Variants in LRCH3 observed in about 807,000 individuals in gnomAD.
The protein encoded by LRCH3 is leucine rich repeats and calponin homology domain containing 3.
LRCH3 carries 68 observed loss-of-function variants against 104.5 expected under a neutral mutation model. The observed-to-expected ratio is 0.65, with a 90% CI of 0.54 to 0.80. The LOEUF (loss-of-function observed/expected upper bound fraction) is 0.80. LRCH3 is among the 30% of genes least tolerant of loss of function. The probability of loss-of-function intolerance (pLI) is 0.00; values close to 1 mark genes in which losing one functional copy is unlikely to be tolerated. For missense variants in LRCH3, 951 were observed against 953.9 expected (o/e 1.00, Z 0.04); for synonymous variants, 344 against 361.3 (o/e 0.95, Z 0.54).
chr3:197,831,593 A>G (rs1429111164), intron 7 of LRCH3, among the ~76,000 whole-genome samples: 1 of 151,600 alleles, frequency 6.6e-6, no homozygotes, highest in Non-Finnish European at 1.5e-5. Context: ...ATCAATACAG[A>G]TATATATGTA....
intron 1 of LRCH3, among the ~76,000 whole-genome samples, chr3:197,797,883 C>CAA (rs1283044363): frequency 1.2e-5 from 1 of 83,344 alleles, no homozygotes; most frequent in African/African-American, 4.2e-5. Context: ...ACAAAAAAAA[C>CAA]AAAAAAAAAA....
At chr3:197,821,555 T>G (rs1474645105) in intron 4 of LRCH3, among the ~76,000 whole-genome samples, 1 of 152,250 alleles carries the variant, frequency 6.6e-6, no homozygotes, top group African/African-American at 2.4e-5. Context: ...TAGATTAATT[T>G]GAATCAAATA....
At chr3:197,879,979 T>G (rs1330861988) in intron 20 of LRCH3, among the ~76,000 whole-genome samples, 3 of 148,864 alleles carry the variant, frequency 2.0e-5, no homozygotes, top group Non-Finnish European at 4.4e-5. Flanking sequence ...GGAGTCTCGC[T>G]CTGTCACCCA....
At chr3:197,811,132 C>T (rs1044012466) in intron 1 of LRCH3, among the ~76,000 whole-genome samples, 1 of 152,110 alleles carries the variant, frequency 6.6e-6, no homozygotes, top group Non-Finnish European at 1.5e-5. Flanking sequence ...TCAGTGACTG[C>T]GCTGCCGTCT....
chr3:197,857,003 T>C (rs943267657), intron 14 of LRCH3, among the ~76,000 whole-genome samples: 1 of 152,252 alleles, frequency 6.6e-6, no homozygotes, highest in African/African-American at 2.4e-5. Flanking sequence ...TACACTGACA[T>C]TGTCTTCGGG....
intron 1 of LRCH3, among the ~76,000 whole-genome samples, chr3:197,795,595 G>T (rs1378368935): frequency 6.6e-6 from 1 of 151,306 alleles, no homozygotes; most frequent in African/African-American, 2.4e-5. Context: ...TGGGTCAGCC[G>T]CCATGCCTAA....
chr3:197,846,772 G>C (rs974036908), intron 10 of LRCH3, among the ~76,000 whole-genome samples: 1 of 152,102 alleles, frequency 6.6e-6, no homozygotes, highest in Non-Finnish European at 1.5e-5. Context: ...CAGACACAAA[G>C]ATGAGTTACA....
At chr3:197,791,756 A>T (rs1730545843) in intron 1 of LRCH3, among the ~76,000 whole-genome samples, 1 of 152,094 alleles carries the variant, frequency 6.6e-6, no homozygotes, top group African/African-American at 2.4e-5. Flanking sequence ...CTCTCGGGGA[A>T]GGGGGCCGGA....
At position 197,829,623 on chromosome 3, in the gene LRCH3, T is replaced by G; in HGVS notation, c.837T>G (p.Ile279Met). 1 of 1,613,680 alleles carries G rather than the reference T, an allele frequency of 6.2e-7. No homozygotes were observed. Among genetic ancestry groups the G allele is most frequent in the Non-Finnish European group, 8.5e-7 (1 of 1,179,948 alleles). Residue 279 changes from isoleucine (I) to methionine (M), a missense_variant, in exon 6 of 21, where the codon ATT becomes ATG. By Grantham distance (10) the Ile-to-Met change is conservative. Coordinates refer to ENST00000425562, the MANE Select transcript of LRCH3 (RefSeq NM_001365715.1). ...FKYLNIQACKIAPDLPDYDRR... is the reference protein window; with the variant it reads ...FKYLNIQACKMAPDLPDYDRR... ...ACCTGAACATACAAGCTTGTAAGAT[T>G]GCTCCAGATCTGCCGGATTATGATA... is the stretch of plus-strand genomic sequence containing the variant.
intron 20 of LRCH3, among the ~76,000 whole-genome samples, chr3:197,879,019 A>G (rs1052766968): frequency 1.3e-5 from 2 of 152,266 alleles, no homozygotes; most frequent in African/African-American, 4.8e-5. Context: ...AAGTTAAAGT[A>G]TGAGTGAAAT....
Position 197,883,920 on chromosome 3 carries a change from C to G in LRCH3, c.*254C>G, listed in dbSNP as rs945461291. On this transcript the variant is annotated 3_prime_UTR_variant, in exon 21 of 21. Transcript: ENST00000425562. This position sits in a 1 kb window ranked among gnomAD's most constrained non-coding sequence, Gnocchi z 4.2. ...CTCTTACTGAAAACCCAGCACCTAA[C>G]TTGGCTGTGTTTTCCTGGAGAGCAG... The G allele has an allele frequency of 2.9e-5, 11 of 380,570 alleles. No individual in the cohort carries two copies. Among genetic ancestry groups the G allele is most frequent in the African/African-American group, 6.2e-5 (3 of 48,044 alleles). The allele number at this position is 380,570 out of a possible 1,614,324, so 23.6% of individuals were successfully genotyped here.
chr3:197,798,089 C>T (rs971383045), intron 1 of LRCH3, among the ~76,000 whole-genome samples: 2 of 151,842 alleles, frequency 1.3e-5, no homozygotes, highest in South Asian at 2.1e-4. Flanking sequence ...TCGCAAACCT[C>T]GTCTCTTAAA....
In LRCH3 at chr3:197,791,269, C is replaced by T. The variant is rs374623656; in HGVS notation, c.-10C>T. On this transcript the variant is annotated 5_prime_UTR_variant, in exon 1 of 21. Transcript: ENST00000425562. Reference sequence around the variant, plus strand: ...CTGAGCTGGCGGGCCCGAGTGTTGTCGGCTGGGAAATGGCGGCCGCGGGCT... The same window carrying T: ...CTGAGCTGGCGGGCCCGAGTGTTGTTGGCTGGGAAATGGCGGCCGCGGGCT... 1,263 of 1,608,184 alleles carry T rather than the reference C, an allele frequency of 7.9e-4. 1 individual carries two copies. Among genetic ancestry groups the T allele is most frequent in the Non-Finnish European group, 1.0e-3 (1,197 of 1,178,480 alleles).
chr3:197,832,052 T>A, intron 7 of LRCH3, 145 bp from the exon 8 acceptor site: 1 of 692,432 alleles, frequency 1.4e-6, no homozygotes, highest in Non-Finnish European at 2.3e-6. Flanking sequence ...GTATTAGGAT[T>A]ACAGGCATGT....
At chr3:197,853,510 A>G (rs575284228) in intron 13 of LRCH3, among the ~76,000 whole-genome samples, 5 of 152,218 alleles carry the variant, frequency 3.3e-5, no homozygotes, top group African/African-American at 1.2e-4. Context: ...TTAATTTATG[A>G]TCATTACCTC....
rs1282212803 is a variant in LRCH3, at chr3:197,797,878, A to AAAC, written c.262+6340_262+6341insCAA. Among the ~76,000 whole-genome samples the AAAC allele has an allele frequency of 2.3e-3, 321 of 138,210 alleles. 3 individuals are homozygous for AAAC. Among genetic ancestry groups the AAAC allele is most frequent in the African/African-American group, 8.6e-3 (295 of 34,330 alleles). 90.7% of individuals were successfully genotyped at this position (138,210 alleles called of 152,430 possible). A position where few individuals can be genotyped will look rare whatever the true frequency, so the allele number is the denominator to read the frequency against. On this transcript the variant is annotated intron_variant, in intron 1 of 20. Transcript: ENST00000425562. ...CCATCTCAAAAAAAAAAAAAACAAA[A>AAAC]AAAACAAAAAAAAAAACAAAACCAG... is the stretch of plus-strand genomic sequence containing the variant.
intron 20 of LRCH3, among the ~76,000 whole-genome samples, chr3:197,876,541 T>A (rs1281601928): frequency 6.6e-6 from 1 of 152,226 alleles, no homozygotes; most frequent in Admixed American, 6.5e-5. Context: ...TTAAACCAAC[T>A]AAGTATTATA....
intron 6 of LRCH3, 31 bp downstream of exon 6, chr3:197,829,704 AT>A (rs770090923): frequency 6.9e-6 from 10 of 1,448,822 alleles, no homozygotes; most frequent in South Asian, 3.7e-5. Flanking sequence ...TATCTATCAT[AT>A]TTTTTGTACA....
At chr3:197,833,154 T>G (rs1343367769) in intron 8 of LRCH3, among the ~76,000 whole-genome samples, 3 of 152,132 alleles carry the variant, frequency 2.0e-5, no homozygotes, top group Admixed American at 1.3e-4. Flanking sequence ...TATTTAAGAC[T>G]TAAAATAATG....
Sources: allele counts gnomAD v4.1 joint callset (sites outside exome capture counted in the v4.1 genomes callset), GRCh38; gene constraint gnomAD v4.1.1; non-coding constraint Gnocchi (gnomAD v3.1); transcripts MANE v1.5; gene names NCBI Gene and HGNC (gene_info 2026-07-23, HGNC 2026-07-21).